The following ZNF775 variants were observed in gnomAD, a reference collection of about 807,000 sequenced individuals.
ZNF775 encodes the protein zinc finger protein 775.
A neutral mutation model predicts 2.4 loss-of-function variants in ZNF775; 1 was observed. That is an observed-to-expected ratio of 0.41 (90% CI 0.15 to 1.94). The LOEUF is 1.94. Ranked by LOEUF, ZNF775 falls within the 30% of genes most tolerant of loss-of-function variation. The pLI, the probability that ZNF775 is intolerant of heterozygous loss-of-function variation, is 0.30. For missense variants in ZNF775, 823 were observed against 826.6 expected, an observed-to-expected ratio of 1.00 and a Z score of 0.05; for synonymous variants, 381 against 373.3, an observed-to-expected ratio of 1.02 and a Z score of -0.24.
At chr7:150,393,015 A>C (rs1038659240) in intron 2 of ZNF775, among the ~76,000 whole-genome samples, 4 of 152,318 alleles carry the variant, frequency 2.6e-5, no homozygotes, top group African/African-American at 9.6e-5. Flanking sequence ...AGTTGACATT[A>C]GGGTTCTCTT....
chr7:150,397,829 G>T lies in ZNF775; in HGVS notation c.1348G>T (p.Glu450Ter). The T allele has an allele frequency of 6.3e-7, 1 of 1,599,316 alleles. No individual in the cohort carries two copies. The highest frequency in any genetic ancestry group is 8.5e-7 in the Non-Finnish European group (1 of 1,176,502). The change falls in exon 3 of 3, where the codon GAG (glutamate) becomes TAG (stop). Residue 450 changes from glutamate (E) to a stop codon, truncating the protein, a stop_gained. Transcript: ENST00000329630. LOFTEE classifies it low-confidence loss of function (END_TRUNC). ...PGEPRQFICN[E>*]CGKSFSWWSA... ...CGAGCCGCGCCAGTTCATCTGCAAC[G>T]AGTGCGGCAAGAGCTTCTCGTGGTG...
rs748344434 is a variant in ZNF775 at position 150,396,955 on chromosome 7, G to A, written c.474G>A (p.Thr158=). ...PNLARHQRHH[T]GERPFCCPEC... ...TGGCGCGCCACCAGCGGCACCACAC[G>A]GGCGAGCGACCCTTCTGCTGCCCCG... Residue 158 remains threonine (T), a synonymous_variant, in exon 3 of 3, where the codon ACG becomes ACA. Transcript: ENST00000329630. 6.2e-7 allele frequency: 1 copy of A among 1,600,106 alleles called. No homozygotes were observed. Among genetic ancestry groups the A allele is most frequent in the South Asian group, 1.1e-5 (1 of 90,952 alleles).
Position 150,397,760 on chromosome 7 carries a change from G to C in ZNF775, c.1279G>C (p.Asp427His). The C allele has an allele frequency of 3.3e-6, 5 of 1,510,372 alleles. No homozygotes were observed. The highest frequency in any genetic ancestry group is 3.5e-6 in the Non-Finnish European group (4 of 1,133,856). The allele number at this position is 1,510,372 out of a possible 1,614,324, so 93.6% of individuals were successfully genotyped here. A position where few individuals can be genotyped will look rare whatever the true frequency, so the allele number is the denominator to read the frequency against. Reference sequence around the variant, plus strand: ...CTCCCAACGGTCCCCGGGGGCCCGGGACACGCTGTGGGGCCGGGGACAAGC... The same window carrying C: ...CTCCCAACGGTCCCCGGGGGCCCGGCACACGCTGTGGGGCCGGGGACAAGC... ...RSSQRSPGAR[D>H]TLWGRGQAGL... The change falls in exon 3 of 3, where the codon GAC (aspartate) becomes CAC (histidine). Residue 427 changes from aspartate (D) to histidine (H), a missense_variant. Coordinates refer to ENST00000329630, the MANE Select transcript of ZNF775 (RefSeq NM_173680.4).
At chr7:150,389,906 T>TTA (rs1800530113) in intron 2 of ZNF775, among the ~76,000 whole-genome samples, 1 of 21,806 alleles carries the variant, frequency 4.6e-5, no homozygotes, top group Non-Finnish European at 1.0e-4. Context: ...TGTGTGTGTG[T>TTA]GTGTGTGTGT....
rs780771330 is a variant in ZNF775, at chr7:150,397,581, C to T, written c.1100C>T (p.Pro367Leu). Residue 367 changes from proline to leucine, a missense_variant, in exon 3 of 3, where the codon CCC becomes CTC. Physicochemically the swap from Pro to Leu is moderately conservative, Grantham distance 98. Coordinates refer to ENST00000329630, the MANE Select transcript of ZNF775 (RefSeq NM_173680.4). ...RTHLPGAQAA[P>L]CPSCGKSCRS... ...CACCTGCCCGGCGCCCAGGCTGCGC[C>T]CTGCCCCAGCTGCGGTAAGAGCTGC... The T allele has an allele frequency of 6.7e-7, 1 of 1,483,586 alleles. No homozygotes were observed. Among genetic ancestry groups the T allele is most frequent in the Admixed American group, 2.4e-5 (1 of 42,372 alleles). 91.9% of individuals were successfully genotyped at this position (1,483,586 alleles called of 1,614,324 possible). A position where few individuals can be genotyped will look rare whatever the true frequency, so the allele number is the denominator to read the frequency against.
At chr7:150,392,571 CT>C (rs1460786020) in intron 2 of ZNF775, among the ~76,000 whole-genome samples, 5 of 151,452 alleles carry the variant, frequency 3.3e-5, no homozygotes, top group Non-Finnish European at 7.4e-5. Flanking sequence ...CTCTCTCTCT[CT>C]CTCTCTCTCT....
rs528114919 is a variant in ZNF775, at chr7:150,397,274, G to T, written c.793G>T (p.Ala265Ser). The T allele has an allele frequency of 4.1e-6, 6 of 1,448,484 alleles. No individual in the cohort carries two copies. The East Asian group carries it at 1.4e-4, about 34-fold the overall frequency. The allele number at this position is 1,448,484 out of a possible 1,614,324, so 89.7% of individuals were successfully genotyped here. A position where few individuals can be genotyped will look rare whatever the true frequency, so the allele number is the denominator to read the frequency against. Residue 265 changes from alanine to serine, a missense_variant, in exon 3 of 3, where the codon GCC (alanine) becomes TCC (serine). By Grantham distance (99) the Ala-to-Ser change is moderately conservative (BLOSUM62 1). Coordinates refer to ENST00000329630, the MANE Select transcript of ZNF775 (RefSeq NM_173680.4). ...LCQGWWGQPG[A>S]RAAVSGPEGP... ...CCAGGGCTGGTGGGGCCAGCCCGGG[G>T]CCCGGGCCGCGGTCTCCGGCCCCGA...
chr7:150,398,156 A>G lies in ZNF775; in HGVS notation c.*61A>G. On this transcript the variant is annotated 3_prime_UTR_variant, in exon 3 of 3. Coordinates refer to ENST00000329630, the MANE Select transcript of ZNF775 (RefSeq NM_173680.4). Reference sequence around the variant, plus strand: ...GGATGTTTGCGGGGTGTGTGTGGGGAGTGGGGGTGGCCAGGATTGCTGGCT... The same window carrying G: ...GGATGTTTGCGGGGTGTGTGTGGGGGGTGGGGGTGGCCAGGATTGCTGGCT... The G allele has an allele frequency of 6.6e-7, 1 of 1,522,042 alleles. No individual in the cohort carries two copies. The highest frequency in any genetic ancestry group is 2.5e-5 in the East Asian group (1 of 40,684). The allele number at this position is 1,522,042 out of a possible 1,614,324, so 94.3% of individuals were successfully genotyped here. A position where few individuals can be genotyped will look rare whatever the true frequency, so the allele number is the denominator to read the frequency against.
rs1298155401 is a variant in ZNF775, at chr7:150,396,889, C to T, written c.408C>T (p.Leu136=). The change falls in exon 3 of 3, where the codon CTC becomes CTT. Residue 136 remains leucine (L), a synonymous_variant. Transcript: ENST00000329630. The stretch of plus-strand genomic sequence containing the variant: ...CCCACACCGGGGAGAAGCCGTACCT[C>T]TGCGGCAAGTGCGGCAAGAGCTTCA... ...QRTHTGEKPY[L]CGKCGKSFSQ... 2 of 1,602,754 alleles carry T rather than the reference C, an allele frequency of 1.2e-6. No homozygotes were observed. Among genetic ancestry groups the T allele is most frequent in the African/African-American group, 1.3e-5 (1 of 74,908 alleles).
chr7:150,384,687 C>T lies in ZNF775; in HGVS notation c.-49-3735C>T, dbSNP rs944993418. 1.3e-5 allele frequency among the ~76,000 whole-genome samples: 2 copies of T among 152,184 alleles called. No individual in the cohort carries two copies. Among genetic ancestry groups the T allele is most frequent in the African/African-American group, 4.8e-5 (2 of 41,446 alleles). On this transcript the variant is annotated intron_variant, in intron 1 of 2. Transcript: ENST00000329630. This position sits in a 1 kb window ranked among gnomAD's most constrained non-coding sequence, Gnocchi z 4.1. ...TTCTCACTTCTTCCTCTTGGGTCCT[C>T]TTCCTTCTGTCTCCATTTCTGTTCT...
intron 1 of ZNF775, among the ~76,000 whole-genome samples, chr7:150,386,996 CTG>C (rs1403081842): frequency 2.6e-5 from 4 of 152,144 alleles, no homozygotes; most frequent in Admixed American, 2.0e-4. Context: ...AGGCTGGTGA[CTG>C]TAAATAGGAG....
rs1800717285 is a variant in ZNF775 at position 150,398,094 on chromosome 7, A to G, written c.1613A>G (p.Ter538TrpextTer44). The part of the protein sequence containing the change: ...PACSPKEEAR[*>W] ...TGCAGCCCCAAGGAGGAGGCGCGCT[A>G]GTGGACTGGACCTCAGCGGACCCGT... Residue 538 changes from the stop codon to tryptophan, a stop_lost, in exon 3 of 3, where the codon TAG becomes TGG. Coordinates refer to ENST00000329630, the MANE Select transcript of ZNF775 (RefSeq NM_173680.4). 1.3e-6 allele frequency: 2 copies of G among 1,546,908 alleles called. No homozygotes were observed. The highest frequency in any genetic ancestry group is 1.9e-5 in the Admixed American group (1 of 52,064).
chr7:150,388,290 C>T lies in ZNF775; in HGVS notation c.-49-132C>T, dbSNP rs547102714. 7.0e-4 allele frequency: 450 copies of T among 642,130 alleles called. 1 individual carries two copies. Among genetic ancestry groups the T allele is most frequent in the Non-Finnish European group, 1.1e-3 (408 of 365,920 alleles). 39.8% of individuals were successfully genotyped at this position (642,130 alleles called of 1,614,324 possible). Reference sequence around the variant, plus strand: ...ACAATGAAAGAACCCCTGCCCATGTCGAATGTGGCTATGGATAGAAAAGCT... The same window carrying T: ...ACAATGAAAGAACCCCTGCCCATGTTGAATGTGGCTATGGATAGAAAAGCT... On this transcript the variant is annotated intron_variant, in intron 1 of 2. Transcript: ENST00000329630.
At chr7:150,390,125 C>T (rs1800536210) in intron 2 of ZNF775, among the ~76,000 whole-genome samples, 1 of 152,082 alleles carries the variant, frequency 6.6e-6, no homozygotes, top group Non-Finnish European at 1.5e-5. Context: ...AAAACATGAT[C>T]CTTTTCATGA....
intron 1 of ZNF775, among the ~76,000 whole-genome samples, chr7:150,386,779 T>C (rs929503392): frequency 6.6e-6 from 1 of 152,138 alleles, no homozygotes; most frequent in Non-Finnish European, 1.5e-5. Context: ...AGATGAGTCT[T>C]CAGGCTGCAC....
At position 150,397,203 on chromosome 7, in the gene ZNF775, CG is replaced by C; in HGVS notation, c.726del (p.Pro243ArgfsTer54). 1 of 1,109,634 alleles carries C rather than the reference CG, an allele frequency of 9.0e-7. No individual in the cohort carries two copies. Among genetic ancestry groups the C allele is most frequent in the Non-Finnish European group, 1.1e-6 (1 of 910,914 alleles). The allele number at this position is 1,109,634 out of a possible 1,614,324, so 68.7% of individuals were successfully genotyped here. On this transcript the variant is annotated frameshift_variant, in exon 3 of 3. Transcript: ENST00000329630. LOFTEE classifies it low-confidence loss of function (END_TRUNC). ...GCGCGCCGGGCCTGTCGCCTGCAGC[CG>C]GGGCCGCCGCGGGGGCGCCCCGAGT... is the stretch of plus-strand genomic sequence containing the variant. ...AAARRACRLQ[P>X]GPPRGRPEWA...
At chr7:150,388,990 G>A (rs1220847167) in intron 2 of ZNF775, among the ~76,000 whole-genome samples, 1 of 152,202 alleles carries the variant, frequency 6.6e-6, no homozygotes, top group Admixed American at 6.5e-5. Flanking sequence ...TGAAATACAT[G>A]CTGCCAGTGG....
rs142704491 is a variant in ZNF775 at position 150,384,239 on chromosome 7, G to C, written c.-49-4183G>C. On this transcript the variant is annotated intron_variant, in intron 1 of 2. Coordinates refer to ENST00000329630, the MANE Select transcript of ZNF775 (RefSeq NM_173680.4). The surrounding 1 kb of genome is among the most constrained non-coding windows in gnomAD (Gnocchi z 4.1). ...AGCAGAGAGGAAAGGTGGTCCGGTAGGGGCCCGGGGGCCCTTGTGCGATAG... is the reference window on the plus strand; with the variant it reads ...AGCAGAGAGGAAAGGTGGTCCGGTACGGGCCCGGGGGCCCTTGTGCGATAG... Among the ~76,000 whole-genome samples, 53 of 152,370 alleles carry C rather than the reference G, an allele frequency of 3.5e-4. No individual in the cohort carries two copies. Among genetic ancestry groups the C allele is most frequent in the African/African-American group, 1.2e-3 (51 of 41,582 alleles).
chr7:150,385,381 C>T (rs753693054), intron 1 of ZNF775, among the ~76,000 whole-genome samples: 2 of 152,220 alleles, frequency 1.3e-5, no homozygotes, highest in Non-Finnish European at 1.5e-5. Context: ...GTGGTGCGCA[C>T]CATGGACAAT....
Sources: allele counts gnomAD v4.1 joint callset (sites outside exome capture counted in the v4.1 genomes callset), GRCh38; gene constraint gnomAD v4.1.1; non-coding constraint Gnocchi (gnomAD v3.1); transcripts MANE v1.5; gene names NCBI Gene and HGNC (gene_info 2026-07-23, HGNC 2026-07-21).